Variants in USP12 observed in about 807,000 individuals in gnomAD.
USP12 encodes the protein ubiquitin specific peptidase 12.
In USP12, 19 loss-of-function variants were observed where a neutral mutation model predicts 45.5. The observed-to-expected ratio is 0.42, with a 90% CI of 0.29 to 0.61. The LOEUF (loss-of-function observed/expected upper bound fraction) is 0.61, where lower values mean the gene tolerates loss of function less well. Ranked by LOEUF, USP12 falls within the 20% of genes least tolerant of loss-of-function variation. The pLI is 0.22. For missense variants in USP12, 242 were observed against 447.7 expected, an observed-to-expected ratio of 0.54 and a Z score of 4.15; for synonymous variants, 149 against 148.8, an observed-to-expected ratio of 1.00 and a Z score of -0.01.
chr13:27,125,827 C>T (rs552852415), intron 1 of USP12, among the ~76,000 whole-genome samples: 11 of 152,394 alleles, frequency 7.2e-5, no homozygotes, highest in Admixed American at 5.2e-4. Flanking sequence ...CTTATGGGTC[C>T]CACGCCCAGG....
chr13:27,089,533 G>T (rs1425458025), intron 6 of USP12: 1 of 179,082 alleles, frequency 5.6e-6, no homozygotes, highest in Non-Finnish European at 1.2e-5. Context: ...CAGAAACTGG[G>T]GGTGTGGGGG....
At chr13:27,155,066 C>CTTTTTTTTTTTTTTTTTT (rs71083634) in intron 1 of USP12, among the ~76,000 whole-genome samples, 1 of 57,614 alleles carries the variant, frequency 1.7e-5, no homozygotes, top group African/African-American at 8.3e-5. Flanking sequence ...ATGTCCACAA[C>CTTTTTTTTTTTTTTTTTT]TTTTTTTTTT....
chr13:27,127,122 A>T (rs1327569211), intron 1 of USP12, among the ~76,000 whole-genome samples: 4 of 152,228 alleles, frequency 2.6e-5, no homozygotes, highest in African/African-American at 4.8e-5. Context: ...AAAACAAAAA[A>T]CAAGCTTTTG....
intron 6 of USP12, among the ~76,000 whole-genome samples, chr13:27,076,851 G>C (rs531119033): frequency 1.3e-5 from 2 of 152,194 alleles, no homozygotes; most frequent in South Asian, 4.2e-4. Context: ...GAATGAACTT[G>C]GCCTTTTGGA....
At chr13:27,092,638 T>C (rs1169405214) in intron 4 of USP12, among the ~76,000 whole-genome samples, 2 of 152,086 alleles carry the variant, frequency 1.3e-5, no homozygotes, top group African/African-American at 4.8e-5. Flanking sequence ...TTTAAACAAA[T>C]GATGCTGGAG....
intron 4 of USP12, 40 bp from the exon 5 acceptor site, chr13:27,090,198 TA>T: frequency 6.7e-7 from 1 of 1,502,462 alleles, no homozygotes; most frequent in South Asian, 1.2e-5. Context: ...TTTCAAATAC[TA>T]GTAAACCACA....
chr13:27,160,509 T>C (rs369878197), intron 1 of USP12, among the ~76,000 whole-genome samples: 1 of 145,854 alleles, frequency 6.9e-6, no homozygotes, highest in African/African-American at 2.5e-5. Context: ...AAAAAAAAAA[T>C]GCAACACCAG....
intron 6 of USP12, among the ~76,000 whole-genome samples, chr13:27,086,771 C>T (rs921116753): frequency 3.9e-5 from 6 of 152,118 alleles, no homozygotes; most frequent in African/African-American, 7.2e-5. Flanking sequence ...CTTACTTATC[C>T]AACGGTCTTA....
chr13:27,161,981 T>C (rs1218505247), intron 1 of USP12, among the ~76,000 whole-genome samples: 1 of 152,240 alleles, frequency 6.6e-6, no homozygotes, highest in Non-Finnish European at 1.5e-5. Flanking sequence ...CTTTGCTTCA[T>C]GGATCATTAA....
At chr13:27,078,145 C>T (rs1409587250) in intron 6 of USP12, among the ~76,000 whole-genome samples, 16 of 151,682 alleles carry the variant, frequency 1.1e-4, no homozygotes. Context: ...ATTCACTTGG[C>T]CCTCCATATT....
chr13:27,078,414 C>A (rs1170245780), intron 6 of USP12, among the ~76,000 whole-genome samples: 1 of 150,632 alleles, frequency 6.6e-6, no homozygotes, highest in Non-Finnish European at 1.5e-5. Flanking sequence ...GTCCTGGAAC[C>A]AACTGATACG....
chr13:27,093,999 G>C (rs970240408), intron 4 of USP12, among the ~76,000 whole-genome samples: 1 of 152,098 alleles, frequency 6.6e-6, no homozygotes, highest in Non-Finnish European at 1.5e-5. Flanking sequence ...GACTTTACAG[G>C]ACTCTTAGCT....
intron 1 of USP12, among the ~76,000 whole-genome samples, chr13:27,150,265 CT>C (rs944655247): frequency 2.3e-4 from 35 of 152,172 alleles, no homozygotes; most frequent in African/African-American, 8.2e-4. Flanking sequence ...TTTATATATG[CT>C]TGTCCTGAAC....
intron 1 of USP12, among the ~76,000 whole-genome samples, chr13:27,154,983 CA>C (rs1222960713): frequency 2.7e-5 from 4 of 150,560 alleles, no homozygotes; most frequent in Non-Finnish European, 5.9e-5. Flanking sequence ...GTCCCTCCTG[CA>C]GCTCCAGGAA....
At chr13:27,152,752 T>C (rs1877630714) in intron 1 of USP12, among the ~76,000 whole-genome samples, 2 of 151,228 alleles carry the variant, frequency 1.3e-5, no homozygotes, top group African/African-American at 2.4e-5. Flanking sequence ...ACCATCCTGG[T>C]TAACACGGTG....
intron 3 of USP12, among the ~76,000 whole-genome samples, chr13:27,096,083 T>C (rs1038010853): frequency 6.6e-6 from 1 of 152,228 alleles, no homozygotes; most frequent in African/African-American, 2.4e-5. Context: ...TCCTTATATA[T>C]TGGCATAACA....
intron 6 of USP12, among the ~76,000 whole-genome samples, chr13:27,086,294 C>CACAT (rs1874042607): frequency 6.9e-6 from 1 of 145,288 alleles, no homozygotes; most frequent in South Asian, 2.2e-4. Context: ...CACACACACA[C>CACAT]ACACACACAC....
At chr13:27,128,803 T>G (rs1876359187) in intron 1 of USP12, among the ~76,000 whole-genome samples, 1 of 152,234 alleles carries the variant, frequency 6.6e-6, no homozygotes, top group African/African-American at 2.4e-5. Flanking sequence ...GTTGATGCTT[T>G]TCCACTTATA....
intron 1 of USP12, among the ~76,000 whole-genome samples, chr13:27,148,025 A>C (rs2137827949): frequency 6.6e-6 from 1 of 151,968 alleles, no homozygotes; most frequent in African/African-American, 2.4e-5. Context: ...GCTGCTCAGG[A>C]GACTGAGGTG....
Sources: allele counts gnomAD v4.1 joint callset (sites outside exome capture counted in the v4.1 genomes callset), GRCh38; gene constraint gnomAD v4.1.1; transcripts MANE v1.5; gene names NCBI Gene and HGNC (gene_info 2026-07-23, HGNC 2026-07-21).